Variants in ETV6 observed in about 807,000 individuals in gnomAD.
ETV6 encodes the protein transcription factor ETV6.
A neutral mutation model predicts 51.1 loss-of-function variants in ETV6; 16 were observed. That is an observed-to-expected ratio of 0.31 (90% CI 0.21 to 0.48). The LOEUF (loss-of-function observed/expected upper bound fraction) is 0.48. ETV6 is among the 20% of genes least tolerant of loss of function. ETV6 has a pLI of 0.99. For synonymous variants in ETV6, 240 were observed against 224.1 expected (o/e 1.07, Z -0.64); for missense variants, 458 against 594.8 (o/e 0.77, Z 2.39).
chr12:11,731,195 A>G (rs1360511810), intron 1 of ETV6, among the ~76,000 whole-genome samples: 1 of 152,264 alleles, frequency 6.6e-6, no homozygotes, highest in Non-Finnish European at 1.5e-5. Flanking sequence ...TTTGATCTTT[A>G]GGATACTGTG....
Position 11,752,535 on chromosome 12 carries a change from C to T in ETV6, c.119C>T (p.Ala40Val), listed in dbSNP as rs576945965. The change falls in exon 2 of 8, where the codon GCG becomes GTG. Residue 40 changes from alanine (A) to valine (V), a missense_variant. By Grantham distance (64) the Ala-to-Val change is moderately conservative. Coordinates refer to ENST00000396373, the MANE Select transcript of ETV6 (RefSeq NM_001987.5). ...CCACTTCATGTTCCAGTGCCTCGAG[C>T]GCTCAGGATGGAGGAAGACTCGATC... ...STPLHVPVPR[A>V]LRMEEDSIRL... 1.8e-4 allele frequency: 291 copies of T among 1,613,816 alleles called. 4 individuals carry two copies. The South Asian group carries it at 2.5e-3, about 14-fold the overall frequency.
chr12:11,755,026 G>C (rs1184067593), intron 2 of ETV6, among the ~76,000 whole-genome samples: 1 of 152,216 alleles, frequency 6.6e-6, no homozygotes, highest in African/African-American at 2.4e-5. Context: ...GCTGACTCCA[G>C]AGCCTAGGAT....
At chr12:11,848,737 G>T (rs564055717) in intron 3 of ETV6, among the ~76,000 whole-genome samples, 1 of 152,212 alleles carries the variant, frequency 6.6e-6, no homozygotes, top group Non-Finnish European at 1.5e-5. Flanking sequence ...CAAGTGAAGG[G>T]CCCCGAAGCT....
chr12:11,666,525 T>G (rs1446037073), intron 1 of ETV6, among the ~76,000 whole-genome samples: 1 of 152,154 alleles, frequency 6.6e-6, no homozygotes, highest in East Asian at 1.9e-4. Flanking sequence ...GAGAGTGTGT[T>G]AGGGTTATGA....
intron 1 of ETV6, among the ~76,000 whole-genome samples, chr12:11,694,610 C>T (rs1864838443): frequency 6.6e-6 from 1 of 152,176 alleles, no homozygotes; most frequent in Non-Finnish European, 1.5e-5. Flanking sequence ...TTTAAAATAT[C>T]TCCTCCCTAT....
chr12:11,823,563 T>G (rs1337245128), intron 2 of ETV6, among the ~76,000 whole-genome samples: 1 of 150,460 alleles, frequency 6.6e-6, no homozygotes, highest in Non-Finnish European at 1.5e-5. Flanking sequence ...GCCTCCCAGG[T>G]GGAAATGATT....
intron 1 of ETV6, among the ~76,000 whole-genome samples, chr12:11,731,312 G>A (rs1352274740): frequency 6.6e-6 from 1 of 152,194 alleles, no homozygotes; most frequent in Non-Finnish European, 1.5e-5. Flanking sequence ...TAACTAGGTG[G>A]AGGAGTAAGT....
At chr12:11,705,767 A>G (rs566122217) in intron 1 of ETV6, among the ~76,000 whole-genome samples, 6 of 152,358 alleles carry the variant, frequency 3.9e-5, no homozygotes, top group African/African-American at 1.2e-4. Flanking sequence ...TGAGAAGGCA[A>G]TTGAGACAAC....
At chr12:11,881,362 T>C (rs570682157) in intron 5 of ETV6, among the ~76,000 whole-genome samples, 31 of 152,296 alleles carry the variant, frequency 2.0e-4, no homozygotes, top group African/African-American at 7.5e-4. Flanking sequence ...TACTGAAATA[T>C]TAAGCCACAG....
Position 11,893,427 on chromosome 12 carries a change from A to G in ETV6, c.*2381A>G, listed in dbSNP as rs992690482. On this transcript the variant is annotated 3_prime_UTR_variant, in exon 8 of 8. Transcript: ENST00000396373. ...CAAGCATTTCTATATTTAAAGCAAT[A>G]TCCCAGGAGAATATGTTAGACTTAG... 1.2e-4 allele frequency: 28 copies of G among 231,748 alleles called. No homozygotes were observed. Among genetic ancestry groups the G allele is most frequent in the African/African-American group, 6.0e-4 (27 of 45,260 alleles). 14.4% of individuals were successfully genotyped at this position (231,748 alleles called of 1,614,324 possible). A position where few individuals can be genotyped will look rare whatever the true frequency, so the allele number is the denominator to read the frequency against.
chr12:11,839,183 G>A lies in ETV6; in HGVS notation c.207G>A (p.Trp69Ter), dbSNP rs1251762165. 6.2e-7 allele frequency: 1 copy of A among 1,614,132 alleles called. No individual in the cohort carries two copies. Among genetic ancestry groups the A allele is most frequent in the Non-Finnish European group, 8.5e-7 (1 of 1,180,058 alleles). The stretch of plus-strand genomic sequence containing the variant: ...GGAGCAGGGATGACGTAGCCCAGTG[G>A]CTCAAGTGGGCTGAAAATGAGTTTT... ...IYWSRDDVAQWLKWAENEFSL... is the reference protein window; with the variant it reads ...IYWSRDDVAQ The change falls in exon 3 of 8, where the codon TGG becomes TGA. Residue 69 changes from tryptophan to a stop codon, truncating the protein, a stop_gained. Transcript: ENST00000396373. LOFTEE classifies it high-confidence loss of function.
At chr12:11,656,051 T>C (rs1011961350) in intron 1 of ETV6, among the ~76,000 whole-genome samples, 8 of 152,214 alleles carry the variant, frequency 5.3e-5, no homozygotes, top group African/African-American at 1.4e-4. Flanking sequence ...CCTCCTCCTC[T>C]TCTTCTTCCT....
chr12:11,784,872 T>TC (rs1945463046), intron 2 of ETV6, among the ~76,000 whole-genome samples: 1 of 146,468 alleles, frequency 6.8e-6, no homozygotes, highest in African/African-American at 2.5e-5. Flanking sequence ...ATTTTTTTTT[T>TC]TTTTTTTTTT....
intron 5 of ETV6, among the ~76,000 whole-genome samples, chr12:11,870,905 A>G (rs181504552): frequency 8.5e-5 from 13 of 152,330 alleles, no homozygotes; most frequent in Admixed American, 6.5e-5. Context: ...CCAGAGTAAT[A>G]AAGCGCTGTA....
At position 11,890,925 on chromosome 12, in the gene ETV6, A is replaced by C. The variant is rs780738217; in HGVS notation, c.1254-16A>C. On this transcript the variant is annotated splice_polypyrimidine_tract_variant and intron_variant, in intron 7 of 7. Transcript: ENST00000396373. ...GAAAATGGAATCTCTTACCTCCTCC[A>C]CTTCTTCTTCCAAAGGTTTATGAAA... 6.2e-7 allele frequency: 1 copy of C among 1,602,510 alleles called. No individual in the cohort carries two copies. Among genetic ancestry groups the C allele is most frequent in the Non-Finnish European group, 8.6e-7 (1 of 1,169,586 alleles).
At chr12:11,678,953 T>A (rs150348961) in intron 1 of ETV6, among the ~76,000 whole-genome samples, 1 of 152,176 alleles carries the variant, frequency 6.6e-6, no homozygotes, top group African/African-American at 2.4e-5. Flanking sequence ...CCCACCCACA[T>A]TGGGGAGGGA....
intron 1 of ETV6, among the ~76,000 whole-genome samples, chr12:11,690,744 G>C (rs1000085786): frequency 6.6e-6 from 1 of 151,904 alleles, no homozygotes; most frequent in African/African-American, 2.4e-5. Flanking sequence ...AAAATTAGCC[G>C]GGTGTGGTGG....
intron 1 of ETV6, among the ~76,000 whole-genome samples, chr12:11,667,446 T>C (rs1864215133): frequency 6.6e-6 from 1 of 152,148 alleles, no homozygotes; most frequent in Admixed American, 6.5e-5. Context: ...TGTCACAATC[T>C]AATCTGGAGA....
At chr12:11,881,552 T>G (rs1452347135) in intron 5 of ETV6, among the ~76,000 whole-genome samples, 1 of 152,192 alleles carries the variant, frequency 6.6e-6, no homozygotes, top group Non-Finnish European at 1.5e-5. Context: ...CTTCTTGCTG[T>G]GTCTTCACTT....
Sources: allele counts gnomAD v4.1 joint callset (sites outside exome capture counted in the v4.1 genomes callset), GRCh38; gene constraint gnomAD v4.1.1; transcripts MANE v1.5; gene names NCBI Gene and HGNC (gene_info 2026-07-23, HGNC 2026-07-21).